Variants in GABRB1 observed in about 807,000 individuals in gnomAD.
GABRB1 encodes gamma-aminobutyric acid type A receptor subunit beta1, also known as gamma-aminobutyric acid receptor subunit beta-1.
GABRB1 carries 17 observed loss-of-function variants against 51.6 expected under a neutral mutation model. The ratio of observed to expected loss-of-function variants is 0.33; its 90% CI spans 0.23 to 0.49. The LOEUF (loss-of-function observed/expected upper bound fraction) is 0.49. Ranked by LOEUF, GABRB1 falls within the 20% of genes least tolerant of loss-of-function variation. GABRB1 has a pLI of 0.99. For synonymous variants in GABRB1, 247 were observed against 218.9 expected, an observed-to-expected ratio of 1.13 and a Z score of -1.14; for missense variants, 410 against 600.6, an observed-to-expected ratio of 0.68 and a Z score of 3.32.
intron 4 of GABRB1, among the ~76,000 whole-genome samples, chr4:47,227,468 C>G (rs1720983980): frequency 6.6e-6 from 1 of 152,128 alleles, no homozygotes. Flanking sequence ...GAGGTGCTAT[C>G]AGAAACACCT....
chr4:47,140,581 A>T (rs942624724), intron 3 of GABRB1, among the ~76,000 whole-genome samples: 3 of 151,948 alleles, frequency 2.0e-5, no homozygotes, highest in African/African-American at 7.2e-5. Context: ...CATGCAAAAC[A>T]TGGTGGGTAA....
At chr4:47,187,855 G>A (rs1473622417) in intron 4 of GABRB1, among the ~76,000 whole-genome samples, 3 of 151,780 alleles carry the variant, frequency 2.0e-5, no homozygotes, top group African/African-American at 7.3e-5. Flanking sequence ...TTCTGCCTAG[G>A]GTCCTTGTTC....
chr4:47,330,220 G>A (rs957539860), intron 5 of GABRB1, among the ~76,000 whole-genome samples: 17 of 152,226 alleles, frequency 1.1e-4, no homozygotes, highest in African/African-American at 3.9e-4. Flanking sequence ...CGTTGTGGGG[G>A]GCAAGCTGCT....
In GABRB1 at chr4:47,133,165, G is replaced by A. The variant is rs563073490; in HGVS notation, c.241-28084G>A. Among the ~76,000 whole-genome samples, 6 of 152,270 alleles carry A rather than the reference G, an allele frequency of 3.9e-5. No homozygotes were observed. In the South Asian group the frequency reaches 1.2e-3, roughly 32 times the overall value. On this transcript the variant is annotated intron_variant, in intron 3 of 8. Coordinates refer to ENST00000295454, the MANE Select transcript of GABRB1 (RefSeq NM_000812.4). ...TTAAATGTATCTGTTTTGTTAAAAT[G>A]TATATTCTCTAGCACCTTGAGCACA...
intron 3 of GABRB1, among the ~76,000 whole-genome samples, chr4:47,095,997 T>C (rs1205818133): frequency 6.6e-6 from 1 of 152,188 alleles, no homozygotes; most frequent in African/African-American, 2.4e-5. Flanking sequence ...TCTTTATTGA[T>C]CCCATCTTCC....
At chr4:47,339,193 G>A (rs1725798907) in intron 5 of GABRB1, among the ~76,000 whole-genome samples, 1 of 152,174 alleles carries the variant, frequency 6.6e-6, no homozygotes, top group Non-Finnish European at 1.5e-5. Flanking sequence ...AAATCCAGGT[G>A]GAAGAATTGA....
chr4:47,166,727 ATTAT>A (rs1718204372), intron 4 of GABRB1, among the ~76,000 whole-genome samples: 1 of 152,188 alleles, frequency 6.6e-6, no homozygotes, highest in African/African-American at 2.4e-5. Flanking sequence ...TACTACAAAA[ATTAT>A]TTGTCATTTC....
At chr4:47,029,144 G>T (rs1577837851), upstream of GABRB1, among the ~76,000 whole-genome samples, 1 of 151,720 alleles carries the variant, frequency 6.6e-6, no homozygotes, top group African/African-American at 2.4e-5. Context: ...AAACAACACT[G>T]CCATAAATAT....
chr4:47,253,203 G>T (rs1722060429), intron 4 of GABRB1, among the ~76,000 whole-genome samples: 1 of 152,216 alleles, frequency 6.6e-6, no homozygotes, highest in Admixed American at 6.5e-5. Context: ...GATAATGCAA[G>T]AAGACTGAAA....
intron 8 of GABRB1, among the ~76,000 whole-genome samples, chr4:47,416,129 A>ATAAT (rs1728907971): frequency 6.6e-6 from 1 of 152,216 alleles, no homozygotes; most frequent in Non-Finnish European, 1.5e-5. Context: ...GCAGATGACG[A>ATAAT]TAATTATAGT....
chr4:47,361,269 G>A (rs1044316749), intron 5 of GABRB1, among the ~76,000 whole-genome samples: 1 of 152,154 alleles, frequency 6.6e-6, no homozygotes, highest in South Asian at 2.1e-4. Context: ...GGGACTTAAG[G>A]AAAGCGTGCC....
chr4:47,243,361 G>A (rs1721609363), intron 4 of GABRB1, among the ~76,000 whole-genome samples: 1 of 152,198 alleles, frequency 6.6e-6, no homozygotes, highest in African/African-American at 2.4e-5. Flanking sequence ...GATTGACTTG[G>A]TGATGCGGGC....
intron 5 of GABRB1, among the ~76,000 whole-genome samples, chr4:47,361,612 G>A (rs1455144734): frequency 6.6e-6 from 1 of 152,120 alleles, no homozygotes; most frequent in African/African-American, 2.4e-5. Flanking sequence ...GACTAGACCA[G>A]TTCAGTAGCA....
chr4:47,145,926 G>C (rs1400171875), intron 3 of GABRB1, among the ~76,000 whole-genome samples: 2 of 152,068 alleles, frequency 1.3e-5, no homozygotes, highest in East Asian at 1.9e-4. Flanking sequence ...AAATGCATCA[G>C]CACAGCCTTT....
At chr4:47,105,760 A>G (rs572694583) in intron 3 of GABRB1, among the ~76,000 whole-genome samples, 9 of 152,196 alleles carry the variant, frequency 5.9e-5, no homozygotes, top group Admixed American at 5.2e-4. Flanking sequence ...GGCTTATGCC[A>G]TTAGGGAGGC....
Position 47,165,189 on chromosome 4 carries a change from T to C in GABRB1, c.461+3720T>C, listed in dbSNP as rs1016001280. 5.9e-5 allele frequency among the ~76,000 whole-genome samples: 9 copies of C among 152,094 alleles called. No individual in the cohort carries two copies. In the East Asian group the frequency reaches 1.5e-3, roughly 26 times the overall value. ...TCACTTAAAATTCTTCTGTTTTTCCTCCCTTACTTCCACTTAACTTGGAGG... is the reference window on the plus strand; with the variant it reads ...TCACTTAAAATTCTTCTGTTTTTCCCCCCTTACTTCCACTTAACTTGGAGG... On this transcript the variant is annotated intron_variant, in intron 4 of 8. Transcript: ENST00000295454.
intron 1 of GABRB1, among the ~76,000 whole-genome samples, chr4:47,000,273 A>G (rs2109427436): frequency 6.6e-6 from 1 of 152,288 alleles, no homozygotes; most frequent in Non-Finnish European, 1.5e-5. Flanking sequence ...AATTCAAGAT[A>G]ATGGGTATCT....
At chr4:47,123,864 G>GATATATATCTTATATATAATATATATA (rs1715974800) in intron 3 of GABRB1, among the ~76,000 whole-genome samples, 1 of 64,524 alleles carries the variant, frequency 1.5e-5, no homozygotes, top group Non-Finnish European at 2.8e-5. Flanking sequence ...TCATATATAT[G>GATATATATCTTATATATAATATATATA]ATATATATCT....
intron 5 of GABRB1, among the ~76,000 whole-genome samples, chr4:47,356,674 G>A (rs1726589882): frequency 6.6e-6 from 1 of 152,074 alleles, no homozygotes; most frequent in South Asian, 2.1e-4. Context: ...TAATAGAAAT[G>A]GCTTGGAAGA....
Sources: gnomAD v4.1 joint callset for allele counts (sites outside exome capture counted in the v4.1 genomes callset) on GRCh38, gnomAD v4.1.1 for gene constraint, MANE v1.5 for transcripts, NCBI Gene and HGNC (gene_info 2026-07-23, HGNC 2026-07-21) for gene names.